The following ARSB variants were observed in gnomAD, a reference collection of about 807,000 sequenced individuals.
ARSB encodes N-acetylgalactosamine-4-sulfatase.
Under a neutral mutation model 50.9 loss-of-function variants are expected in ARSB, and 41 were observed. The observed-to-expected ratio is 0.81, with a 90% CI of 0.63 to 1.04. The LOEUF is 1.04. Ranked by LOEUF, ARSB falls within the 50% of genes least tolerant of loss-of-function variation. The pLI is 0.00. For synonymous variants in ARSB, 269 were observed against 284.8 expected, an observed-to-expected ratio of 0.94 and a Z score of 0.56; for missense variants, 672 against 693.3, an observed-to-expected ratio of 0.97 and a Z score of 0.35.
chr5:78,796,191 A>G (rs1334364041), intron 6 of ARSB, among the ~76,000 whole-genome samples: 3 of 152,258 alleles, frequency 2.0e-5, no homozygotes, highest in Non-Finnish European at 4.4e-5. Flanking sequence ...TGAGTCTTGA[A>G]AAAATAACTT....
chr5:78,890,060 A>C (rs1748215376), intron 4 of ARSB, among the ~76,000 whole-genome samples: 1 of 152,154 alleles, frequency 6.6e-6, no homozygotes, highest in Admixed American at 6.5e-5. Context: ...TTGTCCCAGA[A>C]AAGTATCTGC....
chr5:78,836,377 G>A (rs1243980893), intron 6 of ARSB, among the ~76,000 whole-genome samples: 1 of 152,196 alleles, frequency 6.6e-6, no homozygotes, highest in Non-Finnish European at 1.5e-5. Flanking sequence ...GTTATCTGCA[G>A]GAGTCAGAGC....
Position 78,857,506 on chromosome 5 carries a change from T to G in ARSB, c.1143-18080A>C, listed in dbSNP as rs893401006. On this transcript the variant is annotated intron_variant, in intron 5 of 7. Coordinates refer to ENST00000264914, the MANE Select transcript of ARSB (RefSeq NM_000046.5). ...ACTGACGGTGTTAATGATAAACGGG[T>G]TTTCAATAATCACACAAGTTCATGA... is the stretch of plus-strand genomic sequence containing the variant. Among the ~76,000 whole-genome samples the G allele has an allele frequency of 2.0e-5, 3 of 152,162 alleles. No individual in the cohort carries two copies. The East Asian group carries it at 5.8e-4, about 29-fold the overall frequency.
chr5:78,834,953 C>T (rs1209292805), intron 6 of ARSB, among the ~76,000 whole-genome samples: 1 of 139,726 alleles, frequency 7.2e-6, no homozygotes, highest in Non-Finnish European at 1.5e-5. Flanking sequence ...TTCTTATTTT[C>T]CCCTCCCTCC....
rs148366321 is a variant in ARSB at position 78,887,170 on chromosome 5, C to A, written c.899-1343G>T. Among the ~76,000 whole-genome samples, 4 of 152,288 alleles carry A rather than the reference C, an allele frequency of 2.6e-5. No individual in the cohort carries two copies. In the East Asian group the frequency reaches 5.8e-4, roughly 22 times the overall value. On this transcript the variant is annotated intron_variant, in intron 4 of 7. Transcript: ENST00000264914. Reference sequence around the variant, plus strand: ...ATAAAGAAAACAGGTTTATTTGGCTCACAATTCTGATGACTGATAAGTCCA... The same window carrying A: ...ATAAAGAAAACAGGTTTATTTGGCTAACAATTCTGATGACTGATAAGTCCA...
intron 6 of ARSB, among the ~76,000 whole-genome samples, chr5:78,790,500 T>A (rs1282009928): frequency 2.0e-5 from 3 of 152,202 alleles, no homozygotes; most frequent in Non-Finnish European, 4.4e-5. Context: ...CAGTAGCAAG[T>A]GAGATAAGAC....
intron 6 of ARSB, among the ~76,000 whole-genome samples, chr5:78,787,138 A>C (rs3035251): frequency 0.082 from 9,219 of 112,176 alleles, 327 homozygotes; most frequent in Non-Finnish European, 0.097. Flanking sequence ...ATCTATCTAT[A>C]TAGATACAGG....
intron 3 of ARSB, among the ~76,000 whole-genome samples, chr5:78,962,388 A>G (rs971549188): frequency 1.3e-5 from 2 of 152,204 alleles, no homozygotes; most frequent in Admixed American, 1.3e-4. Context: ...CATATTTGAG[A>G]GAATGTTCCC....
intron 6 of ARSB, among the ~76,000 whole-genome samples, chr5:78,799,986 G>A (rs1743322412): frequency 6.6e-6 from 1 of 152,200 alleles, no homozygotes; most frequent in Non-Finnish European, 1.5e-5. Flanking sequence ...CAAACAATCT[G>A]TGACAAACCC....
At chr5:78,805,797 G>T (rs1214605849) in intron 6 of ARSB, among the ~76,000 whole-genome samples, 1 of 152,188 alleles carries the variant, frequency 6.6e-6, no homozygotes, top group Non-Finnish European at 1.5e-5. Flanking sequence ...CCGGGGCACA[G>T]TCACACTTAG....
chr5:78,905,460 G>A (rs1749020145), intron 4 of ARSB, among the ~76,000 whole-genome samples: 1 of 151,130 alleles, frequency 6.6e-6, no homozygotes, highest in African/African-American at 2.4e-5. Context: ...TGTTTGTTTG[G>A]TTAAGCAGAG....
chr5:78,778,550 G>A lies in ARSB; in HGVS notation c.*1847C>T, dbSNP rs983584764. 6.6e-6 allele frequency: 1 copy of A among 152,354 alleles called. No homozygotes were observed. Among genetic ancestry groups the A allele is most frequent in the South Asian group, 2.1e-4 (1 of 4,832 alleles). 9.4% of individuals were successfully genotyped at this position (152,354 alleles called of 1,614,324 possible). On this transcript the variant is annotated 3_prime_UTR_variant, in exon 8 of 8. Transcript: ENST00000264914. ...GAGAGGACGCTACAACCTTGCTATA[G>A]AGTGTCCTGTGACTGCCCAGTGATG...
chr5:78,967,304 T>C (rs1329322377), intron 2 of ARSB, among the ~76,000 whole-genome samples: 2 of 152,352 alleles, frequency 1.3e-5, no homozygotes, highest in African/African-American at 4.8e-5. Flanking sequence ...TTCCTGAACA[T>C]CTGGTTTCCA....
chr5:78,909,806 G>C (rs1749224219), intron 4 of ARSB, among the ~76,000 whole-genome samples: 1 of 152,194 alleles, frequency 6.6e-6, no homozygotes, highest in Non-Finnish European at 1.5e-5. Flanking sequence ...TGCTGAGGAG[G>C]ATTAGCAAAA....
intron 1 of ARSB, among the ~76,000 whole-genome samples, chr5:78,980,725 A>AGTGTGTGT (rs1315709564): frequency 1.4e-3 from 131 of 91,986 alleles, no homozygotes; most frequent in African/African-American, 3.6e-3. Context: ...TGTCTAAGGA[A>AGTGTGTGT]GTGTGTGTAT....
At chr5:78,882,159 T>A (rs957674901) in intron 5 of ARSB, among the ~76,000 whole-genome samples, 1 of 152,230 alleles carries the variant, frequency 6.6e-6, no homozygotes, top group Admixed American at 6.5e-5. Flanking sequence ...TTAGGCCAGA[T>A]AACTTTTTTA....
intron 4 of ARSB, among the ~76,000 whole-genome samples, chr5:78,929,236 A>G (rs1490159663): frequency 2.0e-5 from 3 of 152,190 alleles, no homozygotes; most frequent in Non-Finnish European, 2.9e-5. Flanking sequence ...ATTGTGCTAG[A>G]CTAGTGCCTG....
rs530538488 is a variant in ARSB at position 78,900,326 on chromosome 5, C to T, written c.899-14499G>A. Among the ~76,000 whole-genome samples, 3 of 152,258 alleles carry T rather than the reference C, an allele frequency of 2.0e-5. No individual in the cohort carries two copies. The East Asian group carries it at 5.8e-4, about 29-fold the overall frequency. ...TCTGACCTTTGTTGCAGCCTGTCCT[C>T]AGAGATATTTCTCCCTACAGGCACT... On this transcript the variant is annotated intron_variant, in intron 4 of 7. Transcript: ENST00000264914.
intron 6 of ARSB, among the ~76,000 whole-genome samples, chr5:78,793,958 AAGGAGAAT>A (rs1022647437): frequency 2.6e-5 from 4 of 152,134 alleles, no homozygotes; most frequent in African/African-American, 9.7e-5. Flanking sequence ...GAAAGTGGAA[AAGGAGAAT>A]AGTGATCTGG....
Sources: gnomAD v4.1 joint callset for allele counts (sites outside exome capture counted in the v4.1 genomes callset) on GRCh38, gnomAD v4.1.1 for gene constraint, MANE v1.5 for transcripts, NCBI Gene and HGNC (gene_info 2026-07-23, HGNC 2026-07-21) for gene names.